Variants in CNTNAP2 observed in about 807,000 individuals in gnomAD.
CNTNAP2 encodes the protein contactin associated protein 2, also known as contactin-associated protein-like 2.
CNTNAP2 carries 98 observed loss-of-function variants against 155.2 expected under a neutral mutation model. That is an observed-to-expected ratio of 0.63 (90% CI 0.54 to 0.75). The LOEUF (loss-of-function observed/expected upper bound fraction) is 0.75. Ranked by LOEUF, CNTNAP2 falls within the 30% of genes least tolerant of loss-of-function variation. The pLI, the probability that CNTNAP2 is intolerant of heterozygous loss-of-function variation, is 0.00. For missense variants in CNTNAP2, 1,727 were observed against 1,688.1 expected (o/e 1.02, Z -0.40); for synonymous variants, 651 against 631.2 (o/e 1.03, Z -0.47).
In CNTNAP2 at chr7:146,466,560, A is replaced by G. The variant is rs371114194; in HGVS notation, c.98-307711A>G. On this transcript the variant is annotated intron_variant, in intron 1 of 23. Coordinates refer to ENST00000361727, the MANE Select transcript of CNTNAP2 (RefSeq NM_014141.6). ...TAATCTATCTTTTCACCCTTTTCCC[A>G]AATTCCCTTTCCTTTATTCATTTGG... Among the ~76,000 whole-genome samples, 7 of 152,292 alleles carry G rather than the reference A, an allele frequency of 4.6e-5. No homozygotes were observed. The East Asian group carries it at 1.2e-3, about 25-fold the overall frequency.
chr7:147,166,271 C>G (rs113226146), intron 8 of CNTNAP2, among the ~76,000 whole-genome samples: 132 of 152,228 alleles, frequency 8.7e-4, no homozygotes, highest in African/African-American at 3.0e-3. Flanking sequence ...GACTATTATT[C>G]TAAGTGAAGT....
intron 1 of CNTNAP2, among the ~76,000 whole-genome samples, chr7:146,353,083 A>C (rs888947807): frequency 6.6e-6 from 1 of 152,076 alleles, no homozygotes; most frequent in African/African-American, 2.4e-5. Context: ...TGCAAACTTT[A>C]CAACGAAACT....
chr7:147,285,264 CCT>C (rs77941534), intron 8 of CNTNAP2, among the ~76,000 whole-genome samples: 5,201 of 151,780 alleles, frequency 0.034, 122 homozygotes, highest in Non-Finnish European at 0.052. Flanking sequence ...TTTCTGAGCC[CCT>C]GAGTGACTGG....
intron 1 of CNTNAP2, among the ~76,000 whole-genome samples, chr7:146,597,163 A>T (rs1798874359): frequency 6.6e-6 from 1 of 152,092 alleles, no homozygotes; most frequent in Admixed American, 6.6e-5. Context: ...CATGGCATTG[A>T]TCATCACTGG....
chr7:147,424,193 T>G (rs779865790), intron 10 of CNTNAP2, among the ~76,000 whole-genome samples: 10 of 152,174 alleles, frequency 6.6e-5, no homozygotes, highest in Non-Finnish European at 1.3e-4. Flanking sequence ...CAATTACATT[T>G]CCTAGTTGTT....
chr7:146,362,803 G>C (rs1459738061), intron 1 of CNTNAP2, among the ~76,000 whole-genome samples: 2 of 120,890 alleles, frequency 1.7e-5, no homozygotes, highest in Admixed American at 2.3e-4. Flanking sequence ...ACGGAGTCTC[G>C]CTCTGTTGCC....
At chr7:148,032,598 C>T (rs1802498163) in intron 15 of CNTNAP2, among the ~76,000 whole-genome samples, 1 of 152,108 alleles carries the variant, frequency 6.6e-6, no homozygotes, top group Non-Finnish European at 1.5e-5. Context: ...CGTTCAAGGT[C>T]CCAACATGAC....
intron 21 of CNTNAP2, among the ~76,000 whole-genome samples, chr7:148,309,675 C>T (rs921399846): frequency 6.6e-6 from 1 of 151,286 alleles, no homozygotes; most frequent in African/African-American, 2.5e-5. Context: ...AGGAATTTCA[C>T]ACGATAATGT....
At chr7:147,081,231 C>T (rs753891464) in intron 4 of CNTNAP2, 6 of 152,040 alleles carry the variant, frequency 3.9e-5, no homozygotes, top group African/African-American at 1.4e-4. Context: ...CATACACCAA[C>T]GAGTGGACAG....
At chr7:146,340,111 G>A (rs1801351796) in intron 1 of CNTNAP2, among the ~76,000 whole-genome samples, 1 of 146,456 alleles carries the variant, frequency 6.8e-6, no homozygotes, top group South Asian at 2.1e-4. Flanking sequence ...TGAGCTTGCA[G>A]TGAGCGGAGA....
intron 12 of CNTNAP2, among the ~76,000 whole-genome samples, chr7:147,580,215 C>T (rs527999936): frequency 6.6e-6 from 1 of 152,050 alleles, no homozygotes; most frequent in African/African-American, 2.4e-5. Context: ...TTTTATATTC[C>T]TTCCCTCAAA....
At chr7:148,301,306 A>AATATATATATATATATATATATATAT (rs1554414673) in intron 21 of CNTNAP2, among the ~76,000 whole-genome samples, 18 of 103,840 alleles carry the variant, frequency 1.7e-4, no homozygotes, top group Non-Finnish European at 2.7e-4. Flanking sequence ...AAAAAAAAAA[A>AATATATATATATATATATATATATAT]ATATATATAT....
chr7:147,974,323 T>G (rs1326081046), intron 14 of CNTNAP2, among the ~76,000 whole-genome samples: 1 of 152,062 alleles, frequency 6.6e-6, no homozygotes, highest in Non-Finnish European at 1.5e-5. Flanking sequence ...TAAACCAACA[T>G]TACTGGCTGG....
intron 13 of CNTNAP2, among the ~76,000 whole-genome samples, chr7:147,734,814 A>C (rs1436726444): frequency 6.6e-6 from 1 of 152,144 alleles, no homozygotes; most frequent in East Asian, 1.9e-4. Context: ...AGAGGTGTTT[A>C]TAGTATTCTC....
chr7:148,288,696 A>G (rs891479958), intron 21 of CNTNAP2, among the ~76,000 whole-genome samples: 1 of 152,096 alleles, frequency 6.6e-6, no homozygotes, highest in South Asian at 2.1e-4. Flanking sequence ...AATTGTTCCA[A>G]TCATTCCCCC....
intron 1 of CNTNAP2, among the ~76,000 whole-genome samples, chr7:146,770,221 T>C (rs1351920114): frequency 6.6e-6 from 1 of 152,052 alleles, no homozygotes; most frequent in Non-Finnish European, 1.5e-5. Flanking sequence ...CTGCCACTTA[T>C]GGAGGAATAT....
intron 10 of CNTNAP2, among the ~76,000 whole-genome samples, chr7:147,398,436 T>TA (rs1438986836): frequency 1.3e-5 from 2 of 149,848 alleles, no homozygotes; most frequent in African/African-American, 2.5e-5. Context: ...GAACATAGGG[T>TA]AAAAAAAATA....
chr7:147,937,687 AG>A (rs1800636228), intron 14 of CNTNAP2, among the ~76,000 whole-genome samples: 1 of 152,182 alleles, frequency 6.6e-6, no homozygotes, highest in Non-Finnish European at 1.5e-5. Flanking sequence ...ACTGAATGAA[AG>A]CAACAACTCC....
intron 14 of CNTNAP2, among the ~76,000 whole-genome samples, chr7:147,911,888 CTG>C (rs1483841260): frequency 6.6e-6 from 1 of 152,166 alleles, no homozygotes; most frequent in Non-Finnish European, 1.5e-5. Context: ...ATTTTAGTGA[CTG>C]TGAATAACGC....
Sources: allele counts gnomAD v4.1 joint callset (sites outside exome capture counted in the v4.1 genomes callset), GRCh38; gene constraint gnomAD v4.1.1; transcripts MANE v1.5; gene names NCBI Gene and HGNC (gene_info 2026-07-23, HGNC 2026-07-21).